The following TAFA1 variants were observed in gnomAD, a reference collection of about 807,000 sequenced individuals.
TAFA1 encodes the protein chemokine-like protein TAFA-1.
Under a neutral mutation model 18.5 loss-of-function variants are expected in TAFA1, and 4 were observed. The ratio of observed to expected loss-of-function variants is 0.22; its 90% CI spans 0.11 to 0.49. The LOEUF is 0.49. TAFA1 is among the 20% of genes least tolerant of loss of function. TAFA1 has a pLI of 0.98. For synonymous variants in TAFA1, 56 were observed against 55.2 expected (o/e 1.01, Z -0.06); for missense variants, 147 against 169.0 (o/e 0.87, Z 0.72).
chr3:68,192,453 C>T (rs2066353775), intron 2 of TAFA1: 1 of 201,540 alleles, frequency 5.0e-6, no homozygotes, highest in Non-Finnish European at 1.1e-5. Flanking sequence ...GATGGGAATA[C>T]CGCAAGTTGC....
chr3:68,463,353 T>C (rs1200389292), intron 3 of TAFA1, among the ~76,000 whole-genome samples: 1 of 152,324 alleles, frequency 6.6e-6, no homozygotes, highest in East Asian at 1.9e-4. Flanking sequence ...AACCACTGTT[T>C]CATTTCAGAA....
chr3:68,106,083 C>G (rs570840079), intron 2 of TAFA1, among the ~76,000 whole-genome samples: 1 of 151,834 alleles, frequency 6.6e-6, no homozygotes, highest in South Asian at 2.1e-4. Flanking sequence ...ATCTAACTTT[C>G]ACACACAAAA....
intron 2 of TAFA1, among the ~76,000 whole-genome samples, chr3:68,093,609 T>C (rs2065053101): frequency 1.3e-5 from 2 of 152,136 alleles, no homozygotes; most frequent in African/African-American, 2.4e-5. Flanking sequence ...TCTGACTATG[T>C]GATGTGGCCA....
chr3:68,234,680 A>ACCCACATTTTCACTCATTGGTTAGTTTCT (rs1198283704), intron 2 of TAFA1, among the ~76,000 whole-genome samples: 1 of 152,066 alleles, frequency 6.6e-6, no homozygotes, highest in African/African-American at 2.4e-5. Context: ...AGTCATCACT[A>ACCCACATTTTCACTCATTGGTTAGTTTCT]CCCACATTTT....
At chr3:68,513,402 T>C (rs544220186) in intron 3 of TAFA1, among the ~76,000 whole-genome samples, 33 of 152,310 alleles carry the variant, frequency 2.2e-4, no homozygotes, top group Middle Eastern at 3.4e-3. Flanking sequence ...TGTTTTGCAC[T>C]TGAAATGTAG....
chr3:68,358,341 A>G (rs1312569105), intron 2 of TAFA1, among the ~76,000 whole-genome samples: 1 of 151,802 alleles, frequency 6.6e-6, no homozygotes, highest in African/African-American at 2.4e-5. Context: ...TTTATTATTG[A>G]TGGCATACCA....
At chr3:68,527,129 TA>T (rs1416001853) in intron 3 of TAFA1, among the ~76,000 whole-genome samples, 2 of 152,170 alleles carry the variant, frequency 1.3e-5, no homozygotes, top group African/African-American at 4.8e-5. Context: ...AATTCTAAAA[TA>T]AAACCATCTA....
chr3:68,219,645 G>A (rs556355272), intron 2 of TAFA1, among the ~76,000 whole-genome samples: 51 of 152,190 alleles, frequency 3.4e-4, no homozygotes, highest in African/African-American at 1.2e-3. Flanking sequence ...ACATGTCTCT[G>A]ATGCTTCACC....
chr3:68,298,048 C>A (rs567294284), intron 2 of TAFA1, among the ~76,000 whole-genome samples: 1 of 152,136 alleles, frequency 6.6e-6, no homozygotes, highest in African/African-American at 2.4e-5. Flanking sequence ...AAAATTGTTT[C>A]CTTGCACTTG....
At chr3:68,241,175 A>G (rs1395740371) in intron 2 of TAFA1, among the ~76,000 whole-genome samples, 1 of 152,126 alleles carries the variant, frequency 6.6e-6, no homozygotes, top group African/African-American at 2.4e-5. Flanking sequence ...AATAGTACTT[A>G]TATTTTTCAT....
At chr3:68,397,153 T>G (rs1285571714) in intron 2 of TAFA1, among the ~76,000 whole-genome samples, 1 of 152,146 alleles carries the variant, frequency 6.6e-6, no homozygotes, top group East Asian at 1.9e-4. Context: ...TTTTTTAAAT[T>G]TATTGTTTTA....
At chr3:68,188,077 T>C (rs1025263545) in intron 2 of TAFA1, among the ~76,000 whole-genome samples, 4 of 152,034 alleles carry the variant, frequency 2.6e-5, no homozygotes, top group Non-Finnish European at 4.4e-5. Context: ...TTATCTCTGT[T>C]CCATATTCTA....
chr3:68,467,355 T>C (rs1375603747), intron 3 of TAFA1, among the ~76,000 whole-genome samples: 1 of 152,228 alleles, frequency 6.6e-6, no homozygotes, highest in African/African-American at 2.4e-5. Context: ...TAAATGTCCA[T>C]GAAATCTTCA....
intron 2 of TAFA1, among the ~76,000 whole-genome samples, chr3:68,022,427 G>C (rs895157833): frequency 2.0e-5 from 3 of 152,072 alleles, no homozygotes; most frequent in African/African-American, 4.8e-5. Context: ...TATGGCCCCT[G>C]GGTAACTCCA....
At chr3:68,262,349 A>ATATATATATATATATATATATT (rs2067450632) in intron 2 of TAFA1, among the ~76,000 whole-genome samples, 3 of 78,742 alleles carry the variant, frequency 3.8e-5, no homozygotes, top group Non-Finnish European at 7.3e-5. Flanking sequence ...ATATATATAT[A>ATATATATATATATATATATATT]TATATATATT....
intron 2 of TAFA1, among the ~76,000 whole-genome samples, chr3:68,344,679 GT>G (rs1256406126): frequency 2.0e-5 from 3 of 152,120 alleles, no homozygotes; most frequent in Non-Finnish European, 4.4e-5. Context: ...GTGTTTTAGG[GT>G]TTTAGCTGGG....
chr3:68,064,530 G>A (rs780924242), intron 2 of TAFA1, among the ~76,000 whole-genome samples: 11 of 152,090 alleles, frequency 7.2e-5, no homozygotes, highest in Non-Finnish European at 1.5e-4. Context: ...AATGAGACGC[G>A]GTGCTCTTAA....
chr3:68,126,010 C>A (rs1229837379), intron 2 of TAFA1, among the ~76,000 whole-genome samples: 5 of 152,252 alleles, frequency 3.3e-5, no homozygotes, highest in South Asian at 2.1e-4. Context: ...GCAACAGAGG[C>A]CTTCAAAACA....
At chr3:68,406,888 G>A (rs972865790) in intron 2 of TAFA1, among the ~76,000 whole-genome samples, 6 of 152,166 alleles carry the variant, frequency 3.9e-5, no homozygotes, top group Non-Finnish European at 5.9e-5. Context: ...ACCTTTGGGT[G>A]AAATGTATTT....
Sources: allele counts gnomAD v4.1 joint callset (sites outside exome capture counted in the v4.1 genomes callset), GRCh38; gene constraint gnomAD v4.1.1; transcripts MANE v1.5; gene names NCBI Gene and HGNC (gene_info 2026-07-23, HGNC 2026-07-21).